Variants in CD151 observed in about 807,000 individuals in gnomAD.
The protein encoded by CD151 is CD151 molecule (Raph blood group).
Under a neutral mutation model 34.2 loss-of-function variants are expected in CD151, and 20 were observed. The observed-to-expected ratio is 0.58, with a 90% CI of 0.41 to 0.85. The LOEUF (loss-of-function observed/expected upper bound fraction) is 0.85. CD151 is among the 40% of genes least tolerant of loss of function. The pLI is 0.00. For synonymous variants in CD151, 157 were observed against 131.7 expected (o/e 1.19, Z -1.32); for missense variants, 306 against 324.5 (o/e 0.94, Z 0.44).
chr11:836,686 CG>C, intron 4 of CD151, 82 bp from the exon 5 acceptor site: 2 of 1,362,378 alleles, frequency 1.5e-6, no homozygotes, highest in South Asian at 1.2e-5. Flanking sequence ...CCTGGGGAGC[CG>C]GGGTGGGGAC....
rs940069283 is a variant in CD151, at chr11:838,476, G to C, written c.*284G>C. On this transcript the variant is annotated 3_prime_UTR_variant, in exon 9 of 9. Coordinates refer to ENST00000397420, the MANE Select transcript of CD151 (RefSeq NM_004357.5). ...GTTGGAAGGGGCCTTGCTGAGTGGC[G>C]CAAGGCCGAGCGTTCCCAGCAGGGG... The C allele has an allele frequency of 1.8e-6, 1 of 557,444 alleles. No individual in the cohort carries two copies. The highest frequency in any genetic ancestry group is 1.9e-5 in the African/African-American group (1 of 52,982). 34.5% of individuals were successfully genotyped at this position (557,444 alleles called of 1,614,324 possible).
intron 7 of CD151, 41 bp downstream of exon 7, chr11:837,659 T>TG (rs79144712): frequency 3.9e-6 from 6 of 1,527,298 alleles, no homozygotes; most frequent in East Asian, 2.5e-5. Flanking sequence ...GTCTACGAGG[T>TG]GGTGGGGGGG....
intron 5 of CD151, 154 bp downstream of exon 5, chr11:836,997 C>T: frequency 1.4e-6 from 1 of 709,356 alleles, no homozygotes; most frequent in Non-Finnish European, 2.5e-6. Flanking sequence ...GTCTAGGTCT[C>T]TGCAGGGGCA....
Position 838,157 on chromosome 11 carries a change from T to A in CD151, c.727T>A (p.Cys243Ser). 6.2e-7 allele frequency: 1 copy of A among 1,613,312 alleles called. No individual in the cohort carries two copies. The change falls in exon 9 of 9, where the codon TGC (cysteine) becomes AGC (serine). Residue 243 changes from cysteine (C) to serine (S), a missense_variant. Transcript: ENST00000397420. ...GGTCTTTGGCATGATCTTCACGTGC[T>A]GCCTGTACAGGAGTCTCAAGCTGGA... is the stretch of plus-strand genomic sequence containing the variant. ...VQVFGMIFTC[C>S]LYRSLKLEHY
intron 1 of CD151, chr11:834,139 A>C (rs1354122957): frequency 1.3e-5 from 2 of 152,152 alleles, no homozygotes; most frequent in African/African-American, 4.8e-5. Flanking sequence ...CGGGTGGAAC[A>C]TCTAAGGTCA....
At chr11:835,682 T>G in intron 2 of CD151, 1 of 174,246 alleles carries the variant, frequency 5.7e-6, no homozygotes, top group Non-Finnish European at 1.2e-5. Context: ...GCTAGTCTCT[T>G]TTTATTATTT....
intron 5 of CD151, 174 bp from the exon 6 acceptor site, chr11:837,076 C>A: frequency 1.5e-6 from 1 of 666,108 alleles, no homozygotes; most frequent in Non-Finnish European, 2.7e-6. Context: ...CATTGTCACC[C>A]TGGTGACGGT....
Position 837,967 on chromosome 11 carries a change from C to T in CD151, c.641C>T (p.Thr214Ile). The T allele has an allele frequency of 1.2e-6, 2 of 1,613,170 alleles. No homozygotes were observed. The highest frequency in any genetic ancestry group is 1.1e-5 in the South Asian group (1 of 91,062). The change falls in exon 8 of 9, where the codon ACC becomes ATC. Residue 214 changes from threonine to isoleucine, a missense_variant. Coordinates refer to ENST00000397420, the MANE Select transcript of CD151 (RefSeq NM_004357.5). ...GGCGGCTGCATCACCAAGTTGGAGA[C>T]CTTCATCCAGGAGCACCTGAGGGTC... Reference protein sequence around the residue: ...VEGGCITKLETFIQEHLRVIG... With the variant: ...VEGGCITKLEIFIQEHLRVIG...
At position 838,109 on chromosome 11, in the gene CD151, A is replaced by G. The variant is rs1565119347; in HGVS notation, c.703-24A>G. 4 of 1,612,048 alleles carry G rather than the reference A, an allele frequency of 2.5e-6. No homozygotes were observed. The Admixed American group carries it at 5.0e-5, about 20-fold the overall frequency. Reference sequence around the variant, plus strand: ...GCTGGTGGCCCCATGACGTCTGCTTACGCCCACCCGGCTCTGCACACAGGT... The same window carrying G: ...GCTGGTGGCCCCATGACGTCTGCTTGCGCCCACCCGGCTCTGCACACAGGT... On this transcript the variant is annotated intron_variant, in intron 8 of 8. Transcript: ENST00000397420.
At position 837,308 on chromosome 11, in the gene CD151, C is replaced by G; in HGVS notation, c.410C>G (p.Pro137Arg). The G allele has an allele frequency of 6.2e-7, 1 of 1,613,032 alleles. No homozygotes were observed. Among genetic ancestry groups the G allele is most frequent in the Non-Finnish European group, 8.5e-7 (1 of 1,179,962 alleles). Residue 137 changes from proline (P) to arginine (R), a missense_variant, in exon 6 of 9, where the codon CCG becomes CGG. Physicochemically the swap from Pro to Arg is moderately radical, Grantham distance 103. Coordinates refer to ENST00000397420, the MANE Select transcript of CD151 (RefSeq NM_004357.5). ...ACCATGACCAAGCGCTACCACCAGC[C>G]GGGCCATGAGGCTGTGACCAGCGCT... ...KDTMTKRYHQPGHEAVTSAVD... is the reference protein window; with the variant it reads ...KDTMTKRYHQRGHEAVTSAVD...
At chr11:837,127 T>C in intron 5 of CD151, 123 bp from the exon 6 acceptor site, 1 of 811,214 alleles carries the variant, frequency 1.2e-6, no homozygotes, top group Non-Finnish European at 2.1e-6. Context: ...AGGTGTGACC[T>C]CAGCCCTTCC....
intron 1 of CD151, among the ~76,000 whole-genome samples, chr11:833,282 G>A (rs1233866625): frequency 6.6e-6 from 1 of 152,164 alleles, no homozygotes; most frequent in East Asian, 1.9e-4. Flanking sequence ...CAGCGGGAAG[G>A]AGAGGCGCCT....
chr11:836,696 A>G, intron 4 of CD151, 73 bp from the exon 5 acceptor site: 1 of 1,439,788 alleles, frequency 6.9e-7, no homozygotes, highest in Non-Finnish European at 9.7e-7. Flanking sequence ...CGGGGTGGGG[A>G]CTCTGCTCTG....
rs940002257 is a variant in CD151 at position 838,418 on chromosome 11, C to T, written c.*226C>T. ...TTGGGGGGTGTTTTGTGGGGCTCCC[C>T]AGACACACTCTCTGCCTGGTGGTCA... On this transcript the variant is annotated 3_prime_UTR_variant, in exon 9 of 9. Coordinates refer to ENST00000397420, the MANE Select transcript of CD151 (RefSeq NM_004357.5). 4.7e-5 allele frequency: 28 copies of T among 590,302 alleles called. No individual in the cohort carries two copies. The highest frequency in any genetic ancestry group is 6.0e-5 in the Non-Finnish European group (20 of 330,626). 36.6% of individuals were successfully genotyped at this position (590,302 alleles called of 1,614,324 possible).
chr11:833,076 G>A (rs1426892082), intron 1 of CD151, 50 bp downstream of exon 1: 1 of 150,028 alleles, frequency 6.7e-6, no homozygotes, highest in South Asian at 2.0e-4. Flanking sequence ...GCGGGGCGAG[G>A]GGGGCGAGGG....
rs952584246 is a variant in CD151 at position 838,652 on chromosome 11, G to A, written c.*460G>A. ...CCCAGCCCTCGTCTCCCTCGACAGC[G>A]CCCCTGCTGTCTTCCCCACCGCAGT... On this transcript the variant is annotated 3_prime_UTR_variant, in exon 9 of 9. Transcript: ENST00000397420. The A allele has an allele frequency of 3.1e-5, 7 of 225,954 alleles. No individual in the cohort carries two copies. The highest frequency in any genetic ancestry group is 1.1e-4 in the East Asian group (1 of 8,724). The allele number at this position is 225,954 out of a possible 1,614,324, so 14.0% of individuals were successfully genotyped here. A position where few individuals can be genotyped will look rare whatever the true frequency, so the allele number is the denominator to read the frequency against.
chr11:837,654 C>G, intron 7 of CD151, 36 bp downstream of exon 7: 2 of 1,540,678 alleles, frequency 1.3e-6, no homozygotes, highest in Non-Finnish European at 1.7e-6. Flanking sequence ...CCAGTGTCTA[C>G]GAGGTGGTGG....
At chr11:833,375 C>T (rs767203169) in intron 1 of CD151, among the ~76,000 whole-genome samples, 1 of 152,176 alleles carries the variant, frequency 6.6e-6, no homozygotes, top group Non-Finnish European at 1.5e-5. Context: ...CTCATTGTCC[C>T]TGGACACGGC....
At position 836,627 on chromosome 11, in the gene CD151, C is replaced by T. The variant is rs965574058; in HGVS notation, c.277-142C>T. 4.9e-5 allele frequency: 43 copies of T among 883,870 alleles called. No homozygotes were observed. In the Admixed American group the frequency reaches 8.3e-4, roughly 17 times the overall value. The allele number at this position is 883,870 out of a possible 1,614,324, so 54.8% of individuals were successfully genotyped here. On this transcript the variant is annotated intron_variant, in intron 4 of 8. Coordinates refer to ENST00000397420, the MANE Select transcript of CD151 (RefSeq NM_004357.5). ...ACCAGCTGAGGGAAGACACCAGCTC[C>T]GCAAGAAAGCTTCAGGGAGGGTGGC...
Sources: allele counts gnomAD v4.1 joint callset (sites outside exome capture counted in the v4.1 genomes callset), GRCh38; gene constraint gnomAD v4.1.1; transcripts MANE v1.5; gene names NCBI Gene and HGNC (gene_info 2026-07-23, HGNC 2026-07-21).